The following VPS41 variants were observed in gnomAD, a reference collection of about 807,000 sequenced individuals.
The protein encoded by VPS41 is VPS41 subunit of HOPS complex.
In VPS41, 85 loss-of-function variants were observed where a neutral mutation model predicts 130.9. The observed-to-expected ratio is 0.65, with a 90% CI of 0.55 to 0.78. VPS41 has a LOEUF of 0.78. VPS41 is among the 30% of genes least tolerant of loss of function. The pLI is 0.00. For missense variants in VPS41, 874 were observed against 1,018.7 expected (o/e 0.86, Z 1.93); for synonymous variants, 335 against 332.9 (o/e 1.01, Z -0.07).
intron 5 of VPS41, among the ~76,000 whole-genome samples, chr7:38,824,203 C>T (rs1785227505): frequency 6.6e-6 from 1 of 152,180 alleles, no homozygotes; most frequent in African/African-American, 2.4e-5. Context: ...TGGTCTTGTG[C>T]TAAATCTCAT....
rs183583447 is a variant in VPS41, at chr7:38,885,295, G to A, written c.60+12796C>T. On this transcript the variant is annotated intron_variant, in intron 2 of 28. Transcript: ENST00000310301. ...TCACCGTATTAGCCAGGACGGTCTC[G>A]ATCTCCCCACCTCATAATCCACTGA... Among the ~76,000 whole-genome samples the A allele has an allele frequency of 2.0e-4, 30 of 152,074 alleles. 2 individuals are homozygous for A. In the South Asian group the frequency reaches 2.9e-3, roughly 15 times the overall value.
intron 4 of VPS41, among the ~76,000 whole-genome samples, chr7:38,839,614 A>G (rs1475783920): frequency 1.3e-5 from 2 of 151,974 alleles, no homozygotes; most frequent in Admixed American, 1.3e-4. Context: ...TATTTTTAGT[A>G]GAGATGGGGT....
chr7:38,906,384 G>A (rs1171109315), intron 1 of VPS41, among the ~76,000 whole-genome samples: 1 of 149,480 alleles, frequency 6.7e-6, no homozygotes, highest in Non-Finnish European at 1.5e-5. Context: ...TTGCTCTGTT[G>A]CCCAGACTGA....
At chr7:38,891,667 T>C (rs1369908939) in intron 2 of VPS41, among the ~76,000 whole-genome samples, 5 of 152,228 alleles carry the variant, frequency 3.3e-5, no homozygotes, top group African/African-American at 1.2e-4. Context: ...GGCATTTTTA[T>C]AAAAAGCTTT....
intron 22 of VPS41, 54 bp from the exon 23 acceptor site, chr7:38,745,667 C>G (rs1584370460): frequency 3.7e-6 from 5 of 1,346,342 alleles, no homozygotes; most frequent in African/African-American, 1.5e-5. Context: ...TAAGAACAAA[C>G]AGTAATAAAG....
intron 21 of VPS41, among the ~76,000 whole-genome samples, chr7:38,752,952 G>C (rs1330616706): frequency 6.6e-6 from 1 of 152,068 alleles, no homozygotes; most frequent in African/African-American, 2.4e-5. Context: ...AAATCAAGAA[G>C]AATGCAGGTG....
intron 22 of VPS41, among the ~76,000 whole-genome samples, chr7:38,750,162 C>T (rs1796064607): frequency 6.6e-6 from 1 of 152,160 alleles, no homozygotes; most frequent in Non-Finnish European, 1.5e-5. Context: ...CTACCACACC[C>T]AACCAGAACT....
intron 4 of VPS41, among the ~76,000 whole-genome samples, chr7:38,857,286 C>CT (rs1786008285): frequency 6.6e-6 from 1 of 152,086 alleles, no homozygotes; most frequent in Admixed American, 6.5e-5. Flanking sequence ...TTTTAATCTC[C>CT]TTTTTTTGTA....
chr7:38,737,336 C>A (rs951430579), intron 25 of VPS41, among the ~76,000 whole-genome samples: 12 of 152,180 alleles, frequency 7.9e-5, no homozygotes, highest in African/African-American at 2.9e-4. Flanking sequence ...CACGCCACTG[C>A]ACTCCAGCCT....
chr7:38,876,376 A>G (rs1043024828), intron 2 of VPS41, among the ~76,000 whole-genome samples: 4 of 152,330 alleles, frequency 2.6e-5, no homozygotes, highest in African/African-American at 9.6e-5. Flanking sequence ...TATGATCCAA[A>G]TTTTATTTAA....
At position 38,745,560 on chromosome 7, in the gene VPS41, C is replaced by G. The variant is rs765488704; in HGVS notation, c.1980G>C (p.Leu660=). Residue 660 remains leucine (L), a splice_region_variant and synonymous_variant, in exon 23 of 29, where the codon CTG becomes CTC. Transcript: ENST00000310301. The part of the protein sequence containing the change: ...RNFVEETVYL[L]SRMGNSRSAL... ...CCAAAATGAATAAAAGCTACTTACT[C>G]AGAAGATAAACTGTCTCTTCTACAA... is the stretch of plus-strand genomic sequence containing the variant. 4 of 1,608,950 alleles carry G rather than the reference C, an allele frequency of 2.5e-6. No individual in the cohort carries two copies. The East Asian group carries it at 8.9e-5, about 36-fold the overall frequency.
intron 14 of VPS41, among the ~76,000 whole-genome samples, chr7:38,770,612 G>C (rs777039017): frequency 6.6e-5 from 10 of 152,116 alleles, no homozygotes; most frequent in Admixed American, 1.3e-4. Flanking sequence ...TGAGCTTCCA[G>C]TTTTCACCTG....
rs1376020336 is a variant in VPS41, at chr7:38,752,291, C to G, written c.1811G>C (p.Arg604Thr). ...QHVYLHKLFK[R>T]DHHKGQRYHE... ...GTAACGCTGCCCCTTATGGTGGTCT[C>G]TCTTGAAAAGCTTATGCAAATACTA... Residue 604 changes from arginine (R) to threonine (T), a missense_variant, in exon 22 of 29, where the codon AGA becomes ACA. Physicochemically the swap from Arg to Thr is moderately conservative, Grantham distance 71 (BLOSUM62 -1). Transcript: ENST00000310301. 4 of 1,613,680 alleles carry G rather than the reference C, an allele frequency of 2.5e-6. No individual in the cohort carries two copies. The highest frequency in any genetic ancestry group is 3.4e-6 in the Non-Finnish European group (4 of 1,179,820).
At chr7:38,815,451 A>T (rs1225446694) in intron 7 of VPS41, among the ~76,000 whole-genome samples, 1 of 152,182 alleles carries the variant, frequency 6.6e-6, no homozygotes, top group Admixed American at 6.5e-5. Flanking sequence ...AAAATTATTT[A>T]TTCTTACTGA....
chr7:38,860,693 CTGTTTGTG>C (rs1554296414), intron 4 of VPS41, among the ~76,000 whole-genome samples: 5 of 134,342 alleles, frequency 3.7e-5, no homozygotes, highest in African/African-American at 8.9e-5. Context: ...TATTAACAAT[CTGTTTGTG>C]TGTGTGTGTG....
At chr7:38,734,992 G>A (rs547208999) in intron 25 of VPS41, among the ~76,000 whole-genome samples, 2 of 152,254 alleles carry the variant, frequency 1.3e-5, no homozygotes, top group African/African-American at 2.4e-5. Flanking sequence ...AGAGAAATAC[G>A]AAGGGAAAGA....
chr7:38,769,449 C>T (rs2115828139), intron 14 of VPS41, among the ~76,000 whole-genome samples: 1 of 152,310 alleles, frequency 6.6e-6, no homozygotes. Context: ...GTGTCCTGTG[C>T]AGAAACTGAG....
At chr7:38,828,011 A>G (rs1230525452) in intron 5 of VPS41, among the ~76,000 whole-genome samples, 2 of 152,146 alleles carry the variant, frequency 1.3e-5, no homozygotes, top group Non-Finnish European at 2.9e-5. Flanking sequence ...AAAAAATTGT[A>G]AAGGTTTTAG....
At chr7:38,833,710 A>T (rs58060833) in intron 4 of VPS41, among the ~76,000 whole-genome samples, 2,838 of 152,282 alleles carry the variant, frequency 0.019, 97 homozygotes, top group African/African-American at 0.064. Flanking sequence ...ATTTGTTTTC[A>T]AACTCACTCA....
Sources: allele counts gnomAD v4.1 joint callset (sites outside exome capture counted in the v4.1 genomes callset), GRCh38; gene constraint gnomAD v4.1.1; transcripts MANE v1.5; gene names NCBI Gene and HGNC (gene_info 2026-07-23, HGNC 2026-07-21).